Variants in HYDIN observed in about 807,000 individuals in gnomAD.
HYDIN encodes the protein axonemal central pair apparatus protein HYDIN.
Under a neutral mutation model 403.9 loss-of-function variants are expected in HYDIN, and 132 were observed. That is an observed-to-expected ratio of 0.33 (90% CI 0.28 to 0.38). HYDIN has a LOEUF of 0.38. Among genes scored for constraint, HYDIN ranks in the 10% least tolerant of loss-of-function variants. HYDIN has a pLI of 1.00. For synonymous variants in HYDIN, 1,202 were observed against 1,891.7 expected (o/e 0.64, Z 9.46); for missense variants, 2,827 against 5,009.5 (o/e 0.56, Z 13.15).
intron 1 of HYDIN, among the ~76,000 whole-genome samples, chr16:71,193,738 G>A (rs1567435273): frequency 2.6e-5 from 4 of 152,066 alleles, no homozygotes; most frequent in South Asian, 2.1e-4. Flanking sequence ...GGACGTGTAC[G>A]TGTCACATTA....
intron 18 of HYDIN, among the ~76,000 whole-genome samples, chr16:71,047,511 C>T (rs1226736486): frequency 6.6e-6 from 1 of 152,046 alleles, no homozygotes; most frequent in Admixed American, 6.6e-5. Context: ...TCTCTTAATA[C>T]TATTATTACT....
At chr16:71,158,651 G>A (rs1487495211) in intron 6 of HYDIN, among the ~76,000 whole-genome samples, 2 of 148,362 alleles carry the variant, frequency 1.3e-5, no homozygotes, top group African/African-American at 5.0e-5. Flanking sequence ...GTGGTTGTGG[G>A]AGACCATTTT....
At chr16:70,917,951 G>T (rs1194342542) in intron 47 of HYDIN, among the ~76,000 whole-genome samples, 4 of 152,126 alleles carry the variant, frequency 2.6e-5, no homozygotes, top group Non-Finnish European at 5.9e-5. Flanking sequence ...CTCCAATGGG[G>T]ACTGCAAAGG....
intron 8 of HYDIN, chr16:71,133,088 T>C (rs1218579102): frequency 2.7e-6 from 1 of 369,070 alleles, no homozygotes; most frequent in East Asian, 7.3e-5. Context: ...AAGATGTGTG[T>C]CTCCAGTGCA....
At chr16:70,949,489 A>C (rs1473804861) in intron 41 of HYDIN, among the ~76,000 whole-genome samples, 1 of 152,130 alleles carries the variant, frequency 6.6e-6, no homozygotes, top group Non-Finnish European at 1.5e-5. Flanking sequence ...GAAACAAAAA[A>C]ACCCAAAAGA....
At chr16:71,206,125 A>T (rs1323212760) in intron 1 of HYDIN, among the ~76,000 whole-genome samples, 1 of 152,084 alleles carries the variant, frequency 6.6e-6, no homozygotes, top group African/African-American at 2.4e-5. Flanking sequence ...AGAGTTTCCA[A>T]CTCAGCAGTC....
At chr16:71,041,837 A>C (rs905194063) in intron 18 of HYDIN, among the ~76,000 whole-genome samples, 1 of 152,038 alleles carries the variant, frequency 6.6e-6, no homozygotes, top group African/African-American at 2.4e-5. Context: ...ACTCAACTTA[A>C]AAGGATATGG....
rs1357210786 is a variant in HYDIN, at chr16:70,803,186, T to C, written c.*4394A>G. Among the ~76,000 whole-genome samples, 1 of 152,222 alleles carries C rather than the reference T, an allele frequency of 6.6e-6. No homozygotes were observed. Among genetic ancestry groups the C allele is most frequent in the East Asian group, 1.9e-4 (1 of 5,204 alleles). ...TTTTTTTTTTACCAGAAGTATTCTT[T>C]TCTCCTGAAATTATATTCTGGCTCA... On this transcript the variant is annotated 3_prime_UTR_variant, in exon 86 of 86. Transcript: ENST00000393567.
In HYDIN at chr16:70,808,014, C is replaced by T. The variant is rs1249939686; in HGVS notation, c.14932G>A (p.Gly4978Arg). The T allele has an allele frequency of 6.2e-7, 1 of 1,613,878 alleles. No individual in the cohort carries two copies. Among genetic ancestry groups the T allele is most frequent in the Non-Finnish European group, 8.5e-7 (1 of 1,179,886 alleles). ...HAEKLINAAP[G>R]GQGGTEASVE... ...CTGGCTTCAGTGCCTCCCTGGCCTC[C>T]TGGGGCTGCATTAATGAGTTTTTCT... Residue 4978 changes from glycine to arginine, a missense_variant, in exon 86 of 86, where the codon GGA (glycine) becomes AGA (arginine). Transcript: ENST00000393567.
chr16:70,861,175 A>T (rs2039391052), intron 69 of HYDIN, among the ~76,000 whole-genome samples: 1 of 152,334 alleles, frequency 6.6e-6, no homozygotes, highest in East Asian at 1.9e-4. Context: ...AAATGAGCAC[A>T]GTCTTACCCT....
intron 18 of HYDIN, among the ~76,000 whole-genome samples, chr16:71,056,105 C>T (rs1186167585): frequency 2.0e-5 from 3 of 151,470 alleles, no homozygotes; most frequent in Non-Finnish European, 4.4e-5. Context: ...TTTCCATTCT[C>T]CGTTCCCACA....
At chr16:70,967,714 C>T (rs59453348) in intron 36 of HYDIN, among the ~76,000 whole-genome samples, 11,252 of 152,084 alleles carry the variant, frequency 0.074, 259 homozygotes, top group Middle Eastern at 0.14. Flanking sequence ...TCTCGATCTC[C>T]TGACCTTGTG....
intron 10 of HYDIN, among the ~76,000 whole-genome samples, chr16:71,101,735 T>C (rs1399295352): frequency 6.6e-6 from 1 of 152,152 alleles, no homozygotes; most frequent in Non-Finnish European, 1.5e-5. Flanking sequence ...TAGGCACATC[T>C]CCTGCAGGTA....
Position 70,920,933 on chromosome 16 carries a change from C to A in HYDIN, c.7443G>T (p.Gln2481His). ...CTTCCTCCATCCCTGCAGGAGGCAG[C>A]TGGACTCCTTGCTTCCGGTCCCAGT... ...LMYWDRKQGV[Q>H]LPPAGMEEAP... The change falls in exon 46 of 86, where the codon CAG becomes CAT. Residue 2481 changes from glutamine (Q) to histidine (H), a missense_variant. Coordinates refer to ENST00000393567, the MANE Select transcript of HYDIN (RefSeq NM_001270974.2). 6.2e-7 allele frequency: 1 copy of A among 1,613,260 alleles called. No homozygotes were observed. The highest frequency in any genetic ancestry group is 8.5e-7 in the Non-Finnish European group (1 of 1,179,608).
chr16:71,100,301 G>A (rs2083418664), intron 10 of HYDIN, among the ~76,000 whole-genome samples: 1 of 152,218 alleles, frequency 6.6e-6, no homozygotes, highest in Non-Finnish European at 1.5e-5. Context: ...ATGTCATCGA[G>A]AGTGTCCATT....
At chr16:70,896,724 G>A (rs2076216121) in intron 53 of HYDIN, among the ~76,000 whole-genome samples, 1 of 130,714 alleles carries the variant, frequency 7.7e-6, no homozygotes, top group African/African-American at 3.0e-5. Flanking sequence ...CAGTTGAAAT[G>A]GAAAACCTTC....
chr16:71,143,867 A>C (rs2085265171), intron 7 of HYDIN, among the ~76,000 whole-genome samples: 1 of 152,310 alleles, frequency 6.6e-6, no homozygotes, highest in Non-Finnish European at 1.5e-5. Flanking sequence ...AAATATGTAA[A>C]TTACTATAAA....
chr16:70,907,095 C>T (rs766172544), intron 50 of HYDIN, among the ~76,000 whole-genome samples: 17 of 152,154 alleles, frequency 1.1e-4, no homozygotes, highest in Non-Finnish European at 2.2e-4. Flanking sequence ...TTCCCAGCCT[C>T]TTAAACTGAA....
rs76583771 is a variant in HYDIN, at chr16:70,829,770, G to A, written c.13960C>T (p.Arg4654Cys). The change falls in exon 81 of 86, where the codon CGC becomes TGC. Residue 4654 changes from arginine (R) to cysteine (C), a missense_variant. Coordinates refer to ENST00000393567, the MANE Select transcript of HYDIN (RefSeq NM_001270974.2). ...TGCAGATTCCAGGTCTGGTTGGTGCGGTTTGACAGCAGGATGGTCTGCGTG... is the reference window on the plus strand; with the variant it reads ...TGCAGATTCCAGGTCTGGTTGGTGCAGTTTGACAGCAGGATGGTCTGCGTG... ...KHTQTILLSN[R>C]TNQTWNLHPI... 6.2e-7 allele frequency: 1 copy of A among 1,614,050 alleles called. No individual in the cohort carries two copies. Among genetic ancestry groups the A allele is most frequent in the South Asian group, 1.1e-5 (1 of 91,070 alleles).
Sources: allele counts gnomAD v4.1 joint callset (sites outside exome capture counted in the v4.1 genomes callset), GRCh38; gene constraint gnomAD v4.1.1; transcripts MANE v1.5; gene names NCBI Gene and HGNC (gene_info 2026-07-23, HGNC 2026-07-21).